Variants in PTPRM observed in about 807,000 individuals in gnomAD.
The protein encoded by PTPRM is protein tyrosine phosphatase receptor type M, also known as receptor-type tyrosine-protein phosphatase mu.
PTPRM carries 47 observed loss-of-function variants against 186.7 expected under a neutral mutation model. The observed-to-expected ratio is 0.25, with a 90% confidence interval of 0.20 to 0.32. The LOEUF (loss-of-function observed/expected upper bound fraction) is 0.32, where lower values mean the gene tolerates loss of function less well. PTPRM is among the 10% of genes least tolerant of loss of function. PTPRM has a pLI of 1.00. For synonymous variants in PTPRM, 668 were observed against 674.9 expected, an observed-to-expected ratio of 0.99 and a Z score of 0.16; for missense variants, 1,494 against 1,865.0, an observed-to-expected ratio of 0.80 and a Z score of 3.66.
In PTPRM at chr18:8,392,829, A is replaced by G. The variant is rs116874522; in HGVS notation, c.4209-1647A>G. Among the ~76,000 whole-genome samples the G allele has an allele frequency of 2.2e-4, 34 of 152,304 alleles. No homozygotes were observed. The East Asian group carries it at 5.8e-3, about 26-fold the overall frequency. ...AGCTGGAACAATGTGAACAAAATCA[A>G]TATTAGTACCCTTGGATTTTAGCTG... On this transcript the variant is annotated intron_variant, in intron 31 of 32. Transcript: ENST00000580170.
At chr18:7,640,542 G>A (rs2038420559) in intron 1 of PTPRM, among the ~76,000 whole-genome samples, 1 of 152,244 alleles carries the variant, frequency 6.6e-6, no homozygotes, top group South Asian at 2.1e-4. Context: ...TTTGGAGTCA[G>A]AAGTGCAGCA....
intron 19 of PTPRM, 22 bp downstream of exon 19, chr18:8,253,436 G>A (rs201676297): frequency 1.8e-5 from 25 of 1,405,512 alleles, no homozygotes; most frequent in Non-Finnish European, 2.2e-5. Flanking sequence ...CTCTGTGCCA[G>A]GGCTTTCCCA....
At chr18:8,022,043 A>G (rs2085268365) in intron 7 of PTPRM, among the ~76,000 whole-genome samples, 1 of 152,216 alleles carries the variant, frequency 6.6e-6, no homozygotes, top group Non-Finnish European at 1.5e-5. Context: ...AAATTCAATA[A>G]TGAAAAAAGG....
chr18:7,651,991 G>A lies in PTPRM; in HGVS notation c.73+84100G>A, dbSNP rs71456196. Among the ~76,000 whole-genome samples, 205 of 152,164 alleles carry A rather than the reference G, an allele frequency of 1.3e-3. 1 individual carries two copies. The highest frequency in any genetic ancestry group is 2.5e-3 in the Non-Finnish European group (172 of 68,014). ...ACCCACAAAATGGGAGAAAATTTTC[G>A]CAACCTACTCTTCTGACAAAGGGCT... On this transcript the variant is annotated intron_variant, in intron 1 of 32. Transcript: ENST00000580170.
At chr18:7,599,270 C>T (rs1365328261) in intron 1 of PTPRM, among the ~76,000 whole-genome samples, 10 of 152,080 alleles carry the variant, frequency 6.6e-5, no homozygotes, top group East Asian at 3.9e-4. Flanking sequence ...AAAATTACTA[C>T]GGGGCAATTT....
At chr18:7,736,388 C>T (rs2040771389) in intron 1 of PTPRM, among the ~76,000 whole-genome samples, 1 of 151,964 alleles carries the variant, frequency 6.6e-6, no homozygotes, top group Non-Finnish European at 1.5e-5. Flanking sequence ...GGCATGATCT[C>T]AGCTCACTGC....
chr18:8,084,358 G>A (rs575847476), intron 9 of PTPRM, among the ~76,000 whole-genome samples: 43 of 152,250 alleles, frequency 2.8e-4, no homozygotes, highest in Non-Finnish European at 4.9e-4. Flanking sequence ...CATCGCTGAC[G>A]TCCTTCGCTC....
At chr18:7,752,115 TC>T (rs2041246638) in intron 1 of PTPRM, among the ~76,000 whole-genome samples, 1 of 152,200 alleles carries the variant, frequency 6.6e-6, no homozygotes, top group Admixed American at 6.5e-5. Flanking sequence ...TCCTCCTGTT[TC>T]CCCTCCAACT....
chr18:8,180,035 G>A (rs980089386), intron 14 of PTPRM, among the ~76,000 whole-genome samples: 22 of 152,214 alleles, frequency 1.4e-4, no homozygotes, highest in African/African-American at 3.9e-4. Flanking sequence ...TGAGCCACCC[G>A]TTGGGGTGAC....
At chr18:8,180,753 A>G (rs974638008) in intron 14 of PTPRM, among the ~76,000 whole-genome samples, 1 of 152,196 alleles carries the variant, frequency 6.6e-6, no homozygotes, top group African/African-American at 2.4e-5. Flanking sequence ...CTTAGTGCAC[A>G]TGCTTGAGCC....
At chr18:8,391,682 T>C (rs1166376520) in intron 31 of PTPRM, among the ~76,000 whole-genome samples, 1 of 152,204 alleles carries the variant, frequency 6.6e-6, no homozygotes, top group Non-Finnish European at 1.5e-5. Context: ...GTGTATGCAT[T>C]GGTAAAAATT....
intron 13 of PTPRM, among the ~76,000 whole-genome samples, chr18:8,124,120 T>C (rs773849600): frequency 6.6e-6 from 1 of 152,170 alleles, no homozygotes; most frequent in African/African-American, 2.4e-5. Flanking sequence ...CACACACAAC[T>C]GCAGTGCATG....
intron 2 of PTPRM, among the ~76,000 whole-genome samples, chr18:7,821,508 A>G (rs971033145): frequency 4.6e-5 from 7 of 152,058 alleles, no homozygotes; most frequent in African/African-American, 1.7e-4. Flanking sequence ...CAAGTCCCCT[A>G]GTGGATGCCT....
chr18:7,872,702 G>A (rs533552374), intron 2 of PTPRM, among the ~76,000 whole-genome samples: 3 of 152,224 alleles, frequency 2.0e-5, no homozygotes, highest in African/African-American at 7.2e-5. Context: ...AGGGCACTCT[G>A]TGGAGGCAGA....
intron 13 of PTPRM, among the ~76,000 whole-genome samples, chr18:8,115,751 T>A (rs984933415): frequency 1.3e-5 from 2 of 152,232 alleles, no homozygotes; most frequent in African/African-American, 4.8e-5. Flanking sequence ...TAACTTTTTG[T>A]TGTTGTTTAA....
intron 2 of PTPRM, among the ~76,000 whole-genome samples, chr18:7,796,617 C>T (rs913377124): frequency 6.6e-6 from 1 of 152,142 alleles, no homozygotes; most frequent in South Asian, 2.1e-4. Flanking sequence ...TGCCACAGTC[C>T]TCTGAGGCTC....
intron 14 of PTPRM, among the ~76,000 whole-genome samples, chr18:8,187,423 G>T (rs2093657266): frequency 6.6e-6 from 1 of 152,206 alleles, no homozygotes; most frequent in African/African-American, 2.4e-5. Flanking sequence ...AAGCCTGGTG[G>T]GCAAGGCGGT....
At chr18:8,157,388 G>A (rs2093144417) in intron 14 of PTPRM, among the ~76,000 whole-genome samples, 1 of 152,198 alleles carries the variant, frequency 6.6e-6, no homozygotes, top group Admixed American at 6.5e-5. Flanking sequence ...TCCGGACATG[G>A]GAGAAGACCA....
rs1013999199 is a variant in PTPRM, at chr18:8,345,608, C to A, written c.3054+2088C>A. On this transcript the variant is annotated intron_variant, in intron 23 of 32. Transcript: ENST00000580170. ...AGTGTATTTATAGGTACTAAATATT[C>A]AAGGAACAGATAATTCAAATGTTGT... 6.6e-5 allele frequency among the ~76,000 whole-genome samples: 10 copies of A among 151,326 alleles called. No individual in the cohort carries two copies. In the South Asian group the frequency reaches 2.1e-3, roughly 32 times the overall value.
Sources: gnomAD v4.1 joint callset for allele counts (sites outside exome capture counted in the v4.1 genomes callset) on GRCh38, gnomAD v4.1.1 for gene constraint, MANE v1.5 for transcripts, NCBI Gene and HGNC (gene_info 2026-07-23, HGNC 2026-07-21) for gene names.